EGLN1: variants seen among roughly 807,000 people sequenced by gnomAD.
EGLN1 encodes egl nine homolog 1.
EGLN1 carries 17 observed loss-of-function variants against 38.3 expected under a neutral mutation model. That is an observed-to-expected ratio of 0.44 (90% CI 0.30 to 0.67). The LOEUF is 0.67. Among genes scored for constraint, EGLN1 ranks in the 30% least tolerant of loss-of-function variants. The pLI, the probability that EGLN1 is intolerant of heterozygous loss-of-function variation, is 0.08. For missense variants in EGLN1, 477 were observed against 603.3 expected, an observed-to-expected ratio of 0.79 and a Z score of 2.19; for synonymous variants, 283 against 257.5, an observed-to-expected ratio of 1.10 and a Z score of -0.95.
At chr1:231,404,366 T>C (rs984922181) in intron 1 of EGLN1, among the ~76,000 whole-genome samples, 2 of 152,172 alleles carry the variant, frequency 1.3e-5, no homozygotes. Context: ...TAAATAACTT[T>C]TATTATTTTG....
At chr1:231,391,944 A>C (rs1688400241) in intron 1 of EGLN1, among the ~76,000 whole-genome samples, 1 of 152,250 alleles carries the variant, frequency 6.6e-6, no homozygotes, top group South Asian at 2.1e-4. Context: ...AAAACAAAAG[A>C]GTTCTAGGAC....
At chr1:231,385,180 G>A (rs1688172930) in intron 1 of EGLN1, among the ~76,000 whole-genome samples, 1 of 152,156 alleles carries the variant, frequency 6.6e-6, no homozygotes, top group Non-Finnish European at 1.5e-5. Context: ...TAAGCAATAG[G>A]GAAAATGTAA....
Position 231,363,971 on chromosome 1 carries a change from A to G in EGLN1, c.*2440T>C, listed in dbSNP as rs1164714333. Reference sequence around the variant, plus strand: ...GCATTATGAAGCTTTATCTTTAACCAGGATTAAACACATATAGGCCACAAA... The same window carrying G: ...GCATTATGAAGCTTTATCTTTAACCGGGATTAAACACATATAGGCCACAAA... On this transcript the variant is annotated 3_prime_UTR_variant, in exon 5 of 5. Transcript: ENST00000366641. The G allele has an allele frequency of 6.6e-6, 1 of 152,224 alleles. No individual in the cohort carries two copies. The highest frequency in any genetic ancestry group is 1.5e-5 in the Non-Finnish European group (1 of 68,044). The allele number at this position is 152,224 out of a possible 1,614,324, so 9.4% of individuals were successfully genotyped here. A position where few individuals can be genotyped will look rare whatever the true frequency, so the allele number is the denominator to read the frequency against.
In EGLN1 at chr1:231,421,857, G is replaced by C; in HGVS notation, c.32C>G (p.Pro11Arg). The change falls in exon 1 of 5, where the codon CCG (proline) becomes CGG (arginine). Residue 11 changes from proline to arginine, a missense_variant. By Grantham distance (103) the Pro-to-Arg change is moderately radical. Coordinates refer to ENST00000366641, the MANE Select transcript of EGLN1 (RefSeq NM_022051.3). The surrounding 1 kb of genome is among the most constrained non-coding windows in gnomAD (Gnocchi z 5.5). MANDSGGPGG[P>R]SPSERDRQYC... ...CTGCCGGTCTCGCTCGCTCGGGCTCGGCCCGCCGGGCCCGCCGCTGTCATT... is the reference window on the plus strand; with the variant it reads ...CTGCCGGTCTCGCTCGCTCGGGCTCCGCCCGCCGGGCCCGCCGCTGTCATT... 2 of 1,474,890 alleles carry C rather than the reference G, an allele frequency of 1.4e-6. No individual in the cohort carries two copies. The highest frequency in any genetic ancestry group is 1.8e-6 in the Non-Finnish European group (2 of 1,119,250). The allele number at this position is 1,474,890 out of a possible 1,614,324, so 91.4% of individuals were successfully genotyped here.
chr1:231,406,683 G>A lies in EGLN1; in HGVS notation c.891+14315C>T, dbSNP rs148795519. Among the ~76,000 whole-genome samples, 91 of 152,044 alleles carry A rather than the reference G, an allele frequency of 6.0e-4. 1 individual carries two copies. Among genetic ancestry groups the A allele is most frequent in the African/African-American group, 2.2e-3 (90 of 41,482 alleles). On this transcript the variant is annotated intron_variant, in intron 1 of 4. Coordinates refer to ENST00000366641, the MANE Select transcript of EGLN1 (RefSeq NM_022051.3). Reference sequence around the variant, plus strand: ...ATGTTTAGTTTTGGTATGGTTTTTTGGAACTCTAACGGGGTTTTTAACATA... The same window carrying A: ...ATGTTTAGTTTTGGTATGGTTTTTTAGAACTCTAACGGGGTTTTTAACATA...
intron 1 of EGLN1, among the ~76,000 whole-genome samples, chr1:231,388,681 G>A (rs145823614): frequency 1.8e-4 from 27 of 151,962 alleles, no homozygotes; most frequent in Non-Finnish European, 3.7e-4. Flanking sequence ...TTGAGACGGC[G>A]TCTCTCTCTG....
intron 1 of EGLN1, among the ~76,000 whole-genome samples, 189 bp from the exon 2 acceptor site, chr1:231,374,288 A>C (rs1687901950): frequency 6.6e-6 from 1 of 152,242 alleles, no homozygotes; most frequent in South Asian, 2.1e-4. Context: ...AGGTTGATGA[A>C]CAAGGACTGG....
At chr1:231,400,292 G>C (rs1265187952) in intron 1 of EGLN1, among the ~76,000 whole-genome samples, 1 of 121,370 alleles carries the variant, frequency 8.2e-6, no homozygotes, top group Non-Finnish European at 1.9e-5. Flanking sequence ...ATTTTCGTGG[G>C]AAAATAGTAG....
chr1:231,395,634 T>C (rs1688504203), intron 1 of EGLN1, among the ~76,000 whole-genome samples: 1 of 152,204 alleles, frequency 6.6e-6, no homozygotes, highest in African/African-American at 2.4e-5. Flanking sequence ...AATACAGCAA[T>C]CTAATGACGC....
At chr1:231,401,701 T>C (rs1189091111) in intron 1 of EGLN1, among the ~76,000 whole-genome samples, 22 of 152,170 alleles carry the variant, frequency 1.4e-4, no homozygotes, top group Admixed American at 1.4e-3. Flanking sequence ...CATTGTATGA[T>C]GAAGCACACT....
At chr1:231,404,852 C>T (rs1381630378) in intron 1 of EGLN1, among the ~76,000 whole-genome samples, 1 of 152,126 alleles carries the variant, frequency 6.6e-6, no homozygotes, top group Admixed American at 6.5e-5. Context: ...AGGTGTTCCT[C>T]AGCTGGAGTT....
intron 1 of EGLN1, among the ~76,000 whole-genome samples, chr1:231,391,090 T>TCTG (rs1553353081): frequency 7.5e-5 from 4 of 53,122 alleles, no homozygotes; most frequent in African/African-American, 2.5e-4. Flanking sequence ...TCTGTTTTTT[T>TCTG]TTTGTGTGTG....
chr1:231,369,667 A>G, intron 3 of EGLN1: 1 of 866,014 alleles, frequency 1.2e-6, no homozygotes. Flanking sequence ...CTGATAATCA[A>G]GTCGTTAGAG....
chr1:231,373,484 C>T (rs1204459426), intron 2 of EGLN1, among the ~76,000 whole-genome samples: 3 of 152,086 alleles, frequency 2.0e-5, no homozygotes, highest in Non-Finnish European at 4.4e-5. Context: ...AATGAATCCA[C>T]TTTTTAAGAT....
At chr1:231,397,055 A>G (rs1366204250) in intron 1 of EGLN1, among the ~76,000 whole-genome samples, 1 of 151,920 alleles carries the variant, frequency 6.6e-6, no homozygotes, top group African/African-American at 2.4e-5. Flanking sequence ...TATTCTCCAC[A>G]CTCCATTCAA....
chr1:231,373,412 T>A (rs1409085662), intron 2 of EGLN1, among the ~76,000 whole-genome samples: 1 of 152,242 alleles, frequency 6.6e-6, no homozygotes, highest in African/African-American at 2.4e-5. Flanking sequence ...GAAAATATTT[T>A]AATAAAGGTC....
intron 4 of EGLN1, among the ~76,000 whole-genome samples, chr1:231,366,884 A>T (rs1329853246): frequency 6.6e-6 from 1 of 152,370 alleles, no homozygotes; most frequent in African/African-American, 2.4e-5. Flanking sequence ...AAACACAGCT[A>T]ATCAGTAATG....
chr1:231,401,551 T>A (rs1688664521), intron 1 of EGLN1, among the ~76,000 whole-genome samples: 1 of 150,626 alleles, frequency 6.6e-6, no homozygotes, highest in Non-Finnish European at 1.5e-5. Flanking sequence ...CAGAAAAAAA[T>A]TACAAATAGT....
intron 1 of EGLN1, among the ~76,000 whole-genome samples, chr1:231,404,893 C>G (rs1688749449): frequency 6.6e-6 from 1 of 152,142 alleles, no homozygotes; most frequent in Non-Finnish European, 1.5e-5. Flanking sequence ...ACACAACTAT[C>G]TGAAATTCAG....
Sources: allele counts gnomAD v4.1 joint callset (sites outside exome capture counted in the v4.1 genomes callset), GRCh38; gene constraint gnomAD v4.1.1; non-coding constraint Gnocchi (gnomAD v3.1); transcripts MANE v1.5; gene names NCBI Gene and HGNC (gene_info 2026-07-23, HGNC 2026-07-21).